Variants in BTG4 observed in about 807,000 individuals in gnomAD.
The protein encoded by BTG4 is BTG anti-proliferation factor 4.
In BTG4, 10 loss-of-function variants were observed where a neutral mutation model predicts 19.3. That is an observed-to-expected ratio of 0.52 (90% CI 0.32 to 0.88). The LOEUF (loss-of-function observed/expected upper bound fraction) is 0.88, where lower values mean the gene tolerates loss of function less well. BTG4 is among the 40% of genes least tolerant of loss of function. BTG4 has a pLI of 0.04. For synonymous variants in BTG4, 91 were observed against 95.7 expected (o/e 0.95, Z 0.29); for missense variants, 238 against 281.9 (o/e 0.84, Z 1.11).
intron 5 of BTG4, among the ~76,000 whole-genome samples, chr11:111,468,438 C>A (rs1335964557): frequency 6.6e-6 from 1 of 152,198 alleles, no homozygotes; most frequent in African/African-American, 2.4e-5. Context: ...GGCTAAGTAA[C>A]TTCCCCAAGA....
At chr11:111,497,174 GA>G (rs1254227612) in intron 4 of BTG4, 36 bp downstream of exon 4, 10 of 1,559,574 alleles carry the variant, frequency 6.4e-6, no homozygotes, top group East Asian at 2.3e-5. Flanking sequence ...GAATTAGATA[GA>G]AAAAAAGTAT....
chr11:111,504,186 A>G (rs1332428901), intron 1 of BTG4, among the ~76,000 whole-genome samples: 1 of 152,074 alleles, frequency 6.6e-6, no homozygotes, highest in Non-Finnish European at 1.5e-5. Flanking sequence ...GACAGAAAGT[A>G]TTTTTTTAAC....
the BTG4 span, among the ~76,000 whole-genome samples, chr11:111,391,733 A>T: frequency 6.6e-6 from 1 of 152,166 alleles, no homozygotes; most frequent in Non-Finnish European, 1.5e-5. Flanking sequence ...GAGCCATGGA[A>T]GGTTTTTCAC....
At chr11:111,411,378 G>C in the BTG4 span, among the ~76,000 whole-genome samples, 1 of 151,776 alleles carries the variant, frequency 6.6e-6, no homozygotes, top group African/African-American at 2.4e-5. Flanking sequence ...TGCACTCACT[G>C]TCTCCTCTGC....
chr11:111,468,999 C>G (rs184762769), intron 5 of BTG4, among the ~76,000 whole-genome samples: 295 of 152,330 alleles, frequency 1.9e-3, no homozygotes, highest in Non-Finnish European at 3.5e-3. Context: ...ACTTGGGAGA[C>G]AGTGGAGCAA....
At chr11:111,446,249 T>G in the BTG4 span, among the ~76,000 whole-genome samples, 1 of 152,208 alleles carries the variant, frequency 6.6e-6, no homozygotes, top group Non-Finnish European at 1.5e-5. Flanking sequence ...TCACCTCCTA[T>G]TACTGGTATG....
the BTG4 span, among the ~76,000 whole-genome samples, chr11:111,456,222 A>G: frequency 5.9e-5 from 9 of 152,174 alleles, no homozygotes; most frequent in East Asian, 1.9e-4. This position sits in a 1 kb window ranked among gnomAD's most constrained non-coding sequence, Gnocchi z 4.2. Context: ...GGGGTCTCGC[A>G]GGCCTGCTGA....
At chr11:111,418,412 TTC>T in the BTG4 span, among the ~76,000 whole-genome samples, 2 of 152,172 alleles carry the variant, frequency 1.3e-5, no homozygotes, top group African/African-American at 4.8e-5. Context: ...TCACAAAGCA[TTC>T]TGTGACCTTC....
chr11:111,407,053 T>C, the BTG4 span, among the ~76,000 whole-genome samples: 12 of 151,996 alleles, frequency 7.9e-5, no homozygotes, highest in Non-Finnish European at 1.6e-4. Flanking sequence ...AATTAATGCA[T>C]ATAAAGCTCA....
At chr11:111,513,002 C>T, upstream of BTG4, 1 of 466,688 alleles carries the variant, frequency 2.1e-6, no homozygotes, top group Middle Eastern at 3.9e-4. Flanking sequence ...ACTAACTCCA[C>T]TGCCATCAAA....
the BTG4 span, among the ~76,000 whole-genome samples, chr11:111,389,630 T>C: frequency 6.6e-6 from 1 of 152,252 alleles, no homozygotes; most frequent in Non-Finnish European, 1.5e-5. Flanking sequence ...TTATTACTAC[T>C]TTTTCATTAA....
the BTG4 span, among the ~76,000 whole-genome samples, chr11:111,409,629 T>C: frequency 6.6e-6 from 1 of 152,090 alleles, no homozygotes; most frequent in East Asian, 1.9e-4. Flanking sequence ...CCAAAGAAAA[T>C]TCTTGTCTTT....
At chr11:111,462,371 T>C in the BTG4 span, 1 of 152,468 alleles carries the variant, frequency 6.6e-6, no homozygotes, top group Non-Finnish European at 1.5e-5. Flanking sequence ...CTGCAGGAGA[T>C]GGAGAGAAGA....
chr11:111,481,823 T>A (rs1864758860), intron 5 of BTG4, among the ~76,000 whole-genome samples: 1 of 151,880 alleles, frequency 6.6e-6, no homozygotes, highest in African/African-American at 2.4e-5. Context: ...GGGAACTTCC[T>A]CAATTTGATT....
chr11:111,417,725 G>A, the BTG4 span: 35 of 152,212 alleles, frequency 2.3e-4, no homozygotes, highest in African/African-American at 7.7e-4. Context: ...CTTTAGATCA[G>A]TTTGGGTGTT....
At chr11:111,444,288 G>A in the BTG4 span, among the ~76,000 whole-genome samples, 1 of 142,828 alleles carries the variant, frequency 7.0e-6, no homozygotes, top group Non-Finnish European at 1.5e-5. Flanking sequence ...GAGAGAAGGG[G>A]AGGGGAAGGC....
chr11:111,442,473 C>T, the BTG4 span, among the ~76,000 whole-genome samples: 88,432 of 150,594 alleles, frequency 0.59, 26,393 homozygotes, highest in East Asian at 0.71. Context: ...TGCACTCCAG[C>T]CTGCATGACA....
the BTG4 span, chr11:111,453,704 T>C: frequency 2.8e-6 from 1 of 357,204 alleles, no homozygotes; most frequent in Non-Finnish European, 5.6e-6. Context: ...CATCCACTGA[T>C]TTGCTCAAAA....
chr11:111,511,286 G>A (rs1265653096), intron 1 of BTG4, among the ~76,000 whole-genome samples: 1 of 152,072 alleles, frequency 6.6e-6, no homozygotes, highest in Admixed American at 6.5e-5. Context: ...TATGCATTTG[G>A]AAAAAAAGTG....
Sources: gnomAD v4.1 joint callset for allele counts (sites outside exome capture counted in the v4.1 genomes callset) on GRCh38, gnomAD v4.1.1 for gene constraint, Gnocchi (gnomAD v3.1) non-coding constraint, MANE v1.5 for transcripts, NCBI Gene and HGNC (gene_info 2026-07-23, HGNC 2026-07-21) for gene names.